The following SYN3 variants were observed in gnomAD, a reference collection of about 807,000 sequenced individuals.
SYN3 encodes the protein synapsin III.
Under a neutral mutation model 65.8 loss-of-function variants are expected in SYN3, and 35 were observed. The observed-to-expected ratio is 0.53, with a 90% CI of 0.41 to 0.70. The LOEUF is 0.70. SYN3 is among the 30% of genes least tolerant of loss of function. The probability of loss-of-function intolerance (pLI) is 0.00; values close to 1 mark genes in which losing one functional copy is unlikely to be tolerated. For missense variants in SYN3, 680 were observed against 749.0 expected (o/e 0.91, Z 1.08); for synonymous variants, 270 against 292.9 (o/e 0.92, Z 0.80).
At chr22:32,722,989 C>G (rs1954690804) in intron 6 of SYN3, among the ~76,000 whole-genome samples, 1 of 152,200 alleles carries the variant, frequency 6.6e-6, no homozygotes, top group Non-Finnish European at 1.5e-5. Flanking sequence ...TATGGCAGAT[C>G]AACAACATGG....
intron 7 of SYN3, among the ~76,000 whole-genome samples, chr22:32,555,259 T>A (rs1346649948): frequency 1.3e-5 from 2 of 152,178 alleles, no homozygotes; most frequent in African/African-American, 4.8e-5. Context: ...AGCTGAAGGC[T>A]AATAGGGAAT....
chr22:32,798,980 C>T (rs773477415), intron 6 of SYN3, among the ~76,000 whole-genome samples: 6 of 151,860 alleles, frequency 4.0e-5, no homozygotes, highest in Non-Finnish European at 7.4e-5. Context: ...CGTGAGCCAC[C>T]GCACCCAGCC....
At chr22:32,695,975 G>A (rs1435364728) in intron 6 of SYN3, among the ~76,000 whole-genome samples, 1 of 152,214 alleles carries the variant, frequency 6.6e-6, no homozygotes, top group Non-Finnish European at 1.5e-5. Context: ...GAATGTGGCA[G>A]ATATGGGTTT....
At chr22:32,692,155 CAAAAAAA>C (rs1188224009) in intron 6 of SYN3, among the ~76,000 whole-genome samples, 2 of 34,496 alleles carry the variant, frequency 5.8e-5, no homozygotes, top group African/African-American at 1.9e-4. Context: ...GACAAAAAGA[CAAAAAAA>C]AAAAAAAAAA....
chr22:32,897,483 T>C (rs878951588), intron 4 of SYN3, among the ~76,000 whole-genome samples: 1 of 152,198 alleles, frequency 6.6e-6, no homozygotes, highest in Admixed American at 6.5e-5. Context: ...GGGCAGGCAC[T>C]GTAAATCTGC....
chr22:32,633,876 C>T (rs1371559522), intron 6 of SYN3, among the ~76,000 whole-genome samples: 1 of 151,912 alleles, frequency 6.6e-6, no homozygotes, highest in Non-Finnish European at 1.5e-5. Context: ...CCATCTACCT[C>T]GGCCTCCCAA....
Position 32,667,637 on chromosome 22 carries a change from A to G in SYN3, c.712-70901T>C, listed in dbSNP as rs2060306300. ...TTGCCTTCCAAATCCATACCACTGT[A>G]TACTTTAGTATGTGTTCATTTTTAT... On this transcript the variant is annotated intron_variant, in intron 6 of 13. Transcript: ENST00000358763. 3.9e-5 allele frequency among the ~76,000 whole-genome samples: 6 copies of G among 152,230 alleles called. No homozygotes were observed. In the South Asian group the frequency reaches 1.2e-3, roughly 32 times the overall value.
intron 4 of SYN3, among the ~76,000 whole-genome samples, chr22:32,871,954 G>T (rs77424123): frequency 6.6e-6 from 1 of 151,534 alleles, no homozygotes; most frequent in South Asian, 2.1e-4. Context: ...TATCTTTCTC[G>T]CCTCCCTCAC....
chr22:32,942,964 G>A (rs1216584400), intron 3 of SYN3, among the ~76,000 whole-genome samples: 2 of 152,160 alleles, frequency 1.3e-5, no homozygotes, highest in African/African-American at 4.8e-5. Context: ...CCAAATCTAC[G>A]TCTGACTGGT....
chr22:32,726,926 T>C (rs149082867), intron 6 of SYN3, among the ~76,000 whole-genome samples: 4 of 151,644 alleles, frequency 2.6e-5, no homozygotes, highest in South Asian at 4.2e-4. Flanking sequence ...TGCAGTCCCT[T>C]CCCTGTCTAG....
intron 2 of SYN3, among the ~76,000 whole-genome samples, chr22:33,004,815 A>C (rs1448228168): frequency 6.6e-6 from 1 of 152,170 alleles, no homozygotes; most frequent in Admixed American, 6.5e-5. Context: ...TGTGTTTTGA[A>C]ATGTGAGATT....
intron 6 of SYN3, among the ~76,000 whole-genome samples, chr22:32,824,211 G>A (rs2047336887): frequency 1.3e-5 from 2 of 150,880 alleles, no homozygotes; most frequent in Non-Finnish European, 2.9e-5. Context: ...TTGGGAGGTG[G>A]AGGTTGCAGT....
intron 6 of SYN3, among the ~76,000 whole-genome samples, chr22:32,741,914 G>A (rs1020692581): frequency 3.3e-5 from 5 of 152,142 alleles, no homozygotes; most frequent in Non-Finnish European, 4.4e-5. Flanking sequence ...GAGGAAATTA[G>A]TTATTTGACC....
chr22:32,856,635 C>T (rs1046763092), intron 6 of SYN3, among the ~76,000 whole-genome samples: 4 of 152,172 alleles, frequency 2.6e-5, no homozygotes, highest in Non-Finnish European at 5.9e-5. Flanking sequence ...TATTCATAAC[C>T]TTAAACATTT....
intron 6 of SYN3, among the ~76,000 whole-genome samples, chr22:32,642,689 A>C (rs2059920195): frequency 6.6e-6 from 1 of 151,870 alleles, no homozygotes; most frequent in Non-Finnish European, 1.5e-5. Flanking sequence ...CGGCCTCCCA[A>C]AGTGCTGGGA....
At chr22:32,896,728 A>G (rs987757352) in intron 4 of SYN3, among the ~76,000 whole-genome samples, 1 of 152,182 alleles carries the variant, frequency 6.6e-6, no homozygotes, top group African/African-American at 2.4e-5. Flanking sequence ...GAAAGGGTAA[A>G]CGTGAAATTT....
rs112799840 is a variant in SYN3 at position 32,806,987 on chromosome 22, A to G, written c.711+57928T>C. 8.8e-3 allele frequency among the ~76,000 whole-genome samples: 1,332 copies of G among 151,970 alleles called. 8 individuals are homozygous for G. Among genetic ancestry groups the G allele is most frequent in the Middle Eastern group, 0.027 (8 of 294 alleles). On this transcript the variant is annotated intron_variant, in intron 6 of 13. Coordinates refer to ENST00000358763, the MANE Select transcript of SYN3 (RefSeq NM_003490.4). ...ACATCATGGAATACCACATAATACC[A>G]CATATAGTATTCTGCTTGTTTCCCA...
chr22:32,765,103 T>C (rs2045589519), intron 6 of SYN3, among the ~76,000 whole-genome samples: 1 of 151,930 alleles, frequency 6.6e-6, no homozygotes, highest in African/African-American at 2.4e-5. Context: ...ACAACTATTT[T>C]TCCCTGGTTT....
intron 3 of SYN3, chr22:32,947,467 C>T (rs147403133): frequency 2.8e-4 from 43 of 152,284 alleles, no homozygotes; most frequent in African/African-American, 9.9e-4. Flanking sequence ...CATTAAGCAA[C>T]TTGCCTTCTG....
Sources: allele counts gnomAD v4.1 joint callset (sites outside exome capture counted in the v4.1 genomes callset), GRCh38; gene constraint gnomAD v4.1.1; transcripts MANE v1.5; gene names NCBI Gene and HGNC (gene_info 2026-07-23, HGNC 2026-07-21).